The following ATP8A2 variants were observed in gnomAD, a reference collection of about 807,000 sequenced individuals.
ATP8A2 encodes the protein ATPase phospholipid transporting 8A2, also known as phospholipid-transporting ATPase IB.
ATP8A2 carries 100 observed loss-of-function variants against 165.6 expected under a neutral mutation model. The ratio of observed to expected loss-of-function variants is 0.60; its 90% CI spans 0.51 to 0.71. ATP8A2 has a LOEUF of 0.71. Ranked by LOEUF, ATP8A2 falls within the 30% of genes least tolerant of loss-of-function variation. The pLI is 0.00. For missense variants in ATP8A2, 1,227 were observed against 1,479.5 expected (o/e 0.83, Z 2.80); for synonymous variants, 543 against 548.8 (o/e 0.99, Z 0.15).
At chr13:25,973,026 T>C (rs1955949250) in intron 35 of ATP8A2, among the ~76,000 whole-genome samples, 2 of 152,218 alleles carry the variant, frequency 1.3e-5, no homozygotes, top group African/African-American at 4.8e-5. Context: ...CTAGATCACC[T>C]TTCACTCTGT....
At chr13:25,879,154 G>A (rs1285781592) in intron 33 of ATP8A2, among the ~76,000 whole-genome samples, 1 of 152,172 alleles carries the variant, frequency 6.6e-6, no homozygotes, top group Non-Finnish European at 1.5e-5. Flanking sequence ...TTCTTTTGTT[G>A]TGGTTTATTC....
chr13:25,479,399 TGTAA>T (rs1373999792), intron 2 of ATP8A2, among the ~76,000 whole-genome samples: 6 of 152,246 alleles, frequency 3.9e-5, no homozygotes, highest in South Asian at 2.1e-4. Flanking sequence ...TTACTAGGAA[TGTAA>T]GTGTCAATTC....
At chr13:25,933,078 T>C (rs553172839) in intron 33 of ATP8A2, among the ~76,000 whole-genome samples, 1 of 152,284 alleles carries the variant, frequency 6.6e-6, no homozygotes, top group South Asian at 2.1e-4. Context: ...AAACTCCTGA[T>C]CTCAGGTGAT....
chr13:25,903,799 A>G (rs1289361870), intron 33 of ATP8A2, among the ~76,000 whole-genome samples: 8 of 152,302 alleles, frequency 5.3e-5, no homozygotes, highest in African/African-American at 1.9e-4. Flanking sequence ...ACCTCTGGAC[A>G]CACTGTGGGA....
intron 24 of ATP8A2, among the ~76,000 whole-genome samples, chr13:25,678,682 T>C (rs1030924825): frequency 5.3e-5 from 8 of 152,122 alleles, no homozygotes; most frequent in African/African-American, 1.9e-4. Flanking sequence ...AAGACAACTT[T>C]GGCAGCAGGA....
At chr13:25,934,690 G>A (rs930054026) in intron 33 of ATP8A2, among the ~76,000 whole-genome samples, 5 of 152,180 alleles carry the variant, frequency 3.3e-5, no homozygotes, top group African/African-American at 4.8e-5. Context: ...AGGAACACGG[G>A]AGGGAGCAGA....
chr13:25,863,207 C>T (rs943339790), intron 33 of ATP8A2: 2 of 152,484 alleles, frequency 1.3e-5, no homozygotes, highest in East Asian at 1.9e-4. Context: ...ACTTTAAGGA[C>T]CTCTGCTCTG....
intron 30 of ATP8A2, among the ~76,000 whole-genome samples, chr13:25,843,755 AG>A (rs1214807280): frequency 6.6e-6 from 1 of 152,210 alleles, no homozygotes; most frequent in Non-Finnish European, 1.5e-5. Context: ...TCCTTCTGGA[AG>A]TATCAATCAA....
At chr13:25,673,062 C>T (rs1274237149) in intron 24 of ATP8A2, among the ~76,000 whole-genome samples, 7 of 152,186 alleles carry the variant, frequency 4.6e-5, no homozygotes, top group Non-Finnish European at 7.4e-5. Flanking sequence ...TTCTTTGGAA[C>T]GAAAACATGA....
chr13:25,737,564 A>T (rs544049218), intron 25 of ATP8A2, among the ~76,000 whole-genome samples: 10 of 152,220 alleles, frequency 6.6e-5, no homozygotes, highest in African/African-American at 2.4e-4. Flanking sequence ...CAGTGGCACG[A>T]TCATGGCTCA....
intron 35 of ATP8A2, among the ~76,000 whole-genome samples, chr13:26,003,712 G>A (rs1389885067): frequency 6.6e-6 from 1 of 152,068 alleles, no homozygotes; most frequent in African/African-American, 2.4e-5. Context: ...TGTGAGATAA[G>A]GGTCAAGTTT....
intron 33 of ATP8A2, among the ~76,000 whole-genome samples, chr13:25,914,372 C>G (rs150376794): frequency 1.7e-4 from 26 of 152,336 alleles, no homozygotes; most frequent in African/African-American, 6.0e-4. Flanking sequence ...CTAGGAACCT[C>G]TCCCACTTTA....
In ATP8A2 at chr13:25,772,126, C is replaced by T. The variant is rs534970665; in HGVS notation, c.2569-2723C>T. Reference sequence around the variant, plus strand: ...CCCAAGACCGAGCGCCGTCCTTTTTCAGCTGCCTTGTCCTGAGCAACCTTG... The same window carrying T: ...CCCAAGACCGAGCGCCGTCCTTTTTTAGCTGCCTTGTCCTGAGCAACCTTG... On this transcript the variant is annotated intron_variant, in intron 26 of 36. Coordinates refer to ENST00000381655, the MANE Select transcript of ATP8A2 (RefSeq NM_016529.6). Among the ~76,000 whole-genome samples, 562 of 152,290 alleles carry T rather than the reference C, an allele frequency of 3.7e-3. 4 individuals carry two copies. The highest frequency in any genetic ancestry group is 0.013 in the African/African-American group (549 of 41,574).
intron 1 of ATP8A2, among the ~76,000 whole-genome samples, chr13:25,383,873 C>T (rs543137898): frequency 6.6e-6 from 1 of 152,276 alleles, no homozygotes; most frequent in Admixed American, 6.5e-5. Context: ...TCCCTTGTCA[C>T]AGTCATCTGA....
chr13:25,449,071 T>C (rs553864826), intron 1 of ATP8A2, among the ~76,000 whole-genome samples: 1 of 152,300 alleles, frequency 6.6e-6, no homozygotes, highest in African/African-American at 2.4e-5. Context: ...TTTAGAAAGA[T>C]CTTTTCAAAG....
intron 1 of ATP8A2, among the ~76,000 whole-genome samples, chr13:25,466,410 C>A (rs2035669420): frequency 1.3e-5 from 2 of 152,150 alleles, no homozygotes; most frequent in South Asian, 4.1e-4. Context: ...TCTGTCTGTA[C>A]TCAGAATCTA....
At chr13:25,908,209 T>C (rs1449764100) in intron 33 of ATP8A2, among the ~76,000 whole-genome samples, 1 of 152,184 alleles carries the variant, frequency 6.6e-6, no homozygotes, top group East Asian at 1.9e-4. Context: ...CTCCTATGTC[T>C]GTAGGGCAGT....
chr13:25,436,147 G>T (rs540748162), intron 1 of ATP8A2, among the ~76,000 whole-genome samples: 2 of 151,792 alleles, frequency 1.3e-5, no homozygotes, highest in East Asian at 1.9e-4. Flanking sequence ...GACTCAGGGG[G>T]TACATGTGCA....
At chr13:25,510,240 G>A (rs35775043) in intron 2 of ATP8A2, among the ~76,000 whole-genome samples, 10,029 of 149,804 alleles carry the variant, frequency 0.067, 465 homozygotes, top group African/African-American at 0.12. Flanking sequence ...TGAAATAAAT[G>A]GATGGATTAC....
Sources: allele counts gnomAD v4.1 joint callset (sites outside exome capture counted in the v4.1 genomes callset), GRCh38; gene constraint gnomAD v4.1.1; transcripts MANE v1.5; gene names NCBI Gene and HGNC (gene_info 2026-07-23, HGNC 2026-07-21).